The following BNC2 variants were observed in gnomAD, a reference collection of about 807,000 sequenced individuals.
The protein encoded by BNC2 is zinc finger protein basonuclin-2.
A neutral mutation model predicts 76.3 loss-of-function variants in BNC2; 20 were observed. That is an observed-to-expected ratio of 0.26 (90% CI 0.18 to 0.38). The LOEUF is 0.38. Among genes scored for constraint, BNC2 ranks in the 10% least tolerant of loss-of-function variants. The pLI, the probability that BNC2 is intolerant of heterozygous loss-of-function variation, is 1.00. For missense variants in BNC2, 1,382 were observed against 1,399.8 expected (o/e 0.99, Z 0.20); for synonymous variants, 582 against 514.8 (o/e 1.13, Z -1.77).
intron 1 of BNC2, among the ~76,000 whole-genome samples, chr9:16,742,469 G>A (rs1178515382): frequency 6.6e-6 from 1 of 152,176 alleles, no homozygotes; most frequent in African/African-American, 2.4e-5. Flanking sequence ...GGGAAATGAT[G>A]GGTTCCATCA....
intron 1 of BNC2, among the ~76,000 whole-genome samples, chr9:16,802,305 C>T (rs1454463136): frequency 6.6e-6 from 1 of 152,146 alleles, no homozygotes; most frequent in Admixed American, 6.5e-5. Flanking sequence ...ACTAATGGAC[C>T]AACAGTCCAC....
intron 1 of BNC2, among the ~76,000 whole-genome samples, chr9:16,754,052 C>T (rs757338805): frequency 2.0e-4 from 31 of 152,180 alleles, no homozygotes; most frequent in Non-Finnish European, 3.8e-4. Context: ...TCGCTTATAG[C>T]CTGTAATTGC....
intron 1 of BNC2, among the ~76,000 whole-genome samples, chr9:16,757,460 G>A (rs61394737): frequency 0.06 from 9,182 of 152,184 alleles, 913 homozygotes; most frequent in African/African-American, 0.21. Context: ...ATAAACCCTT[G>A]AGCAATTTCT....
intron 3 of BNC2, among the ~76,000 whole-genome samples, chr9:16,606,603 G>A (rs1820392600): frequency 6.6e-6 from 1 of 151,874 alleles, no homozygotes; most frequent in Admixed American, 6.6e-5. Flanking sequence ...CGCAATCTCA[G>A]CTCACTGCAA....
chr9:16,869,382 T>C lies in BNC2; in HGVS notation c.3+1264A>G, dbSNP rs1176234042. Among the ~76,000 whole-genome samples the C allele has an allele frequency of 2.0e-5, 3 of 151,524 alleles. No homozygotes were observed. In the East Asian group the frequency reaches 5.9e-4, roughly 30 times the overall value. Reference sequence around the variant, plus strand: ...AAAACCACTTTAATTTCTGTCAGCGTTACTGTAACCACAGTCCTGGGCTCT... The same window carrying C: ...AAAACCACTTTAATTTCTGTCAGCGCTACTGTAACCACAGTCCTGGGCTCT... On this transcript the variant is annotated intron_variant, in intron 1 of 6. Coordinates refer to ENST00000380672, the MANE Select transcript of BNC2 (RefSeq NM_017637.6).
chr9:16,612,385 T>C (rs553865738), intron 3 of BNC2, among the ~76,000 whole-genome samples: 31 of 152,240 alleles, frequency 2.0e-4, no homozygotes, highest in Non-Finnish European at 4.3e-4. Flanking sequence ...CCCCAGCCAC[T>C]TTCTCATACC....
chr9:16,657,639 A>G (rs1244213828), intron 3 of BNC2, among the ~76,000 whole-genome samples: 1 of 152,216 alleles, frequency 6.6e-6, no homozygotes, highest in East Asian at 1.9e-4. Flanking sequence ...TGGACCAGAA[A>G]GAGGCTTATC....
At chr9:16,707,203 C>G (rs1187476703) in intron 3 of BNC2, among the ~76,000 whole-genome samples, 3 of 151,034 alleles carry the variant, frequency 2.0e-5, no homozygotes, top group Admixed American at 6.6e-5. Flanking sequence ...CTCCGCCCCC[C>G]CGCCAAAAAA....
At chr9:16,511,482 C>CT (rs1448150059) in intron 5 of BNC2, among the ~76,000 whole-genome samples, 1 of 141,464 alleles carries the variant, frequency 7.1e-6, no homozygotes, top group African/African-American at 2.7e-5. Flanking sequence ...GGCTGGACTG[C>CT]AGTGGCTCAA....
At chr9:16,770,226 G>A (rs1322662755) in intron 1 of BNC2, among the ~76,000 whole-genome samples, 2 of 152,116 alleles carry the variant, frequency 1.3e-5, no homozygotes, top group African/African-American at 4.8e-5. Context: ...GACAGTGGAT[G>A]CTCATCCACT....
intron 3 of BNC2, among the ~76,000 whole-genome samples, chr9:16,601,460 C>A (rs1018575256): frequency 2.0e-5 from 3 of 152,124 alleles, no homozygotes; most frequent in Admixed American, 2.0e-4. Context: ...AAGGGAAATC[C>A]CAAACTTGTT....
chr9:16,468,047 T>C (rs1203133848), intron 5 of BNC2, among the ~76,000 whole-genome samples: 1 of 148,726 alleles, frequency 6.7e-6, no homozygotes, highest in Non-Finnish European at 1.5e-5. Context: ...TCTCTTTTTT[T>C]TTTTTTTTTT....
At chr9:16,442,410 C>A (rs532398208) in intron 5 of BNC2, among the ~76,000 whole-genome samples, 1 of 152,276 alleles carries the variant, frequency 6.6e-6, no homozygotes, top group African/African-American at 2.4e-5. Flanking sequence ...TATGGCTCTG[C>A]CAAGTGACTT....
intron 6 of BNC2, among the ~76,000 whole-genome samples, chr9:16,430,618 GC>G (rs1370291722): frequency 3.2e-4 from 48 of 152,286 alleles, no homozygotes; most frequent in African/African-American, 9.4e-4. Flanking sequence ...GTATGCAGTG[GC>G]TCATCAGAGG....
chr9:16,619,763 T>C (rs1820811291), intron 3 of BNC2, among the ~76,000 whole-genome samples: 1 of 152,158 alleles, frequency 6.6e-6, no homozygotes, highest in African/African-American at 2.4e-5. Flanking sequence ...CTCTAAGATA[T>C]TAACACTTTC....
intron 1 of BNC2, among the ~76,000 whole-genome samples, chr9:16,844,528 C>T (rs373958710): frequency 5.1e-5 from 7 of 138,380 alleles, no homozygotes; most frequent in Non-Finnish European, 1.1e-4. Flanking sequence ...GACGGAGTCT[C>T]GCTCTGTCAC....
At chr9:16,564,805 T>TA (rs1165846781) in intron 4 of BNC2, among the ~76,000 whole-genome samples, 1 of 152,092 alleles carries the variant, frequency 6.6e-6, no homozygotes, top group Non-Finnish European at 1.5e-5. Flanking sequence ...GTCCACATGT[T>TA]AAGATGTATC....
At chr9:16,713,563 T>C (rs1823911114) in intron 3 of BNC2, among the ~76,000 whole-genome samples, 1 of 151,400 alleles carries the variant, frequency 6.6e-6, no homozygotes, top group Admixed American at 6.6e-5. Flanking sequence ...AAACTTGAAA[T>C]GGCTCTGTGG....
At chr9:16,780,257 CAAA>C (rs1212395782) in intron 1 of BNC2, among the ~76,000 whole-genome samples, 34 of 78,712 alleles carry the variant, frequency 4.3e-4, no homozygotes, top group African/African-American at 1.5e-3. Flanking sequence ...AAAAAAAAAA[CAAA>C]AAAAAACTAC....
Sources: allele counts gnomAD v4.1 joint callset (sites outside exome capture counted in the v4.1 genomes callset), GRCh38; gene constraint gnomAD v4.1.1; transcripts MANE v1.5; gene names NCBI Gene and HGNC (gene_info 2026-07-23, HGNC 2026-07-21).